The following TMEM114 variants were observed in gnomAD, a reference collection of about 807,000 sequenced individuals.
TMEM114 encodes claudin-26.
TMEM114 carries 6 observed loss-of-function variants against 6.2 expected under a neutral mutation model. That is an observed-to-expected ratio of 0.97 (90% CI 0.53 to 1.91). TMEM114 has a LOEUF of 1.91. Ranked by LOEUF, TMEM114 falls within the 40% of genes most tolerant of loss-of-function variation. The pLI is 0.01. For synonymous variants in TMEM114, 104 were observed against 73.0 expected (o/e 1.42, Z -2.16); for missense variants, 218 against 158.3 (o/e 1.38, Z -2.02).
At chr16:8,556,748 C>G (rs1021372081) in intron 2 of TMEM114, among the ~76,000 whole-genome samples, 1 of 152,168 alleles carries the variant, frequency 6.6e-6, no homozygotes, top group African/African-American at 2.4e-5. Context: ...GGGGATCCAC[C>G]CGCCTCAGCC....
At chr16:8,549,436 G>C (rs1900774376) in intron 2 of TMEM114, among the ~76,000 whole-genome samples, 1 of 147,678 alleles carries the variant, frequency 6.8e-6, no homozygotes, top group Non-Finnish European at 1.5e-5. Flanking sequence ...GGGGGCAGAG[G>C]TTGCAGTGAG....
chr16:8,554,793 C>T (rs902994271), intron 2 of TMEM114, among the ~76,000 whole-genome samples: 2 of 152,184 alleles, frequency 1.3e-5, no homozygotes, highest in East Asian at 1.9e-4. Context: ...GTAACTTATG[C>T]AACGGCCACA....
chr16:8,528,883 G>T, the TMEM114 span, among the ~76,000 whole-genome samples: 5 of 152,154 alleles, frequency 3.3e-5, 1 homozygote, highest in Non-Finnish European at 2.9e-5. Context: ...TTGGTAGGGG[G>T]GATATTTTGC....
intron 2 of TMEM114, among the ~76,000 whole-genome samples, chr16:8,572,548 A>C (rs745814911): frequency 1.1e-4 from 16 of 152,120 alleles, no homozygotes; most frequent in Non-Finnish European, 2.2e-4. Context: ...GAAACCTTTC[A>C]CCTAAGCTGC....
At chr16:8,577,874 C>T (rs1037295364) in intron 2 of TMEM114, among the ~76,000 whole-genome samples, 2 of 152,072 alleles carry the variant, frequency 1.3e-5, no homozygotes, top group Non-Finnish European at 2.9e-5. Context: ...GGCATGCCAC[C>T]GGCAGTGTTT....
chr16:8,561,821 T>C (rs1398657803), intron 2 of TMEM114, among the ~76,000 whole-genome samples: 1 of 123,276 alleles, frequency 8.1e-6, no homozygotes, highest in East Asian at 2.0e-4. Flanking sequence ...AAGGAGGGAG[T>C]GAATGAGTGA....
rs1902429916 is a variant in TMEM114, at chr16:8,589,806, C to G, written c.33G>C (p.Ala11=). Residue 11 remains alanine (A), a synonymous_variant, in exon 1 of 4, where the codon GCG becomes GCC. Coordinates refer to ENST00000620492, the MANE Select transcript of TMEM114 (RefSeq NM_001146336.2). MRVHLGGLAG[A]AALTGALSFV... ...AGCTGAGCGCCCCGGTCAGCGCAGCCGCGCCGGCCAGCCCGCCCAGGTGCA... is the reference window on the plus strand; with the variant it reads ...AGCTGAGCGCCCCGGTCAGCGCAGCGGCGCCGGCCAGCCCGCCCAGGTGCA... The G allele has an allele frequency of 5.0e-6, 2 of 398,392 alleles. No individual in the cohort carries two copies. The highest frequency in any genetic ancestry group is 1.3e-4 in the South Asian group (1 of 7,860). 24.7% of individuals were successfully genotyped at this position (398,392 alleles called of 1,614,324 possible). A position where few individuals can be genotyped will look rare whatever the true frequency, so the allele number is the denominator to read the frequency against.
rs114406020 is a variant in TMEM114 at position 8,570,728 on chromosome 16, T to A, written c.440-723A>T. Among the ~76,000 whole-genome samples, 784 of 152,248 alleles carry A rather than the reference T, an allele frequency of 5.1e-3. 7 individuals are homozygous for A. Among genetic ancestry groups the A allele is most frequent in the African/African-American group, 0.018 (754 of 41,554 alleles). ...TTCAATTCCCCAGCACCGAGAACGG[T>A]GCCTGGCCCACGGTGGTTCTCCACA... On this transcript the variant is annotated intron_variant, in intron 3 of 3. Coordinates refer to ENST00000620492, the MANE Select transcript of TMEM114 (RefSeq NM_001146336.2).
downstream of TMEM114, among the ~76,000 whole-genome samples, chr16:8,568,298 A>G (rs753775611): frequency 6.6e-6 from 1 of 152,086 alleles, no homozygotes; most frequent in Non-Finnish European, 1.5e-5. Flanking sequence ...GCTGGTGTGT[A>G]CTGGCCTTCC....
intron 2 of TMEM114, among the ~76,000 whole-genome samples, chr16:8,548,707 C>G (rs1411240129): frequency 6.4e-5 from 7 of 109,470 alleles, no homozygotes; most frequent in African/African-American, 1.6e-4. Context: ...TATATATACA[C>G]AGAAAAAAAA....
rs1902440211 is a variant in TMEM114, at chr16:8,590,157, G to T, written c.-319C>A. 2 of 282,968 alleles carry T rather than the reference G, an allele frequency of 7.1e-6. No homozygotes were observed. The highest frequency in any genetic ancestry group is 2.2e-5 in the African/African-American group (1 of 45,582). The allele number at this position is 282,968 out of a possible 1,614,324, so 17.5% of individuals were successfully genotyped here. On this transcript the variant is annotated 5_prime_UTR_variant, in exon 1 of 4. Transcript: ENST00000620492. ...CCACCTCCGCCTTCAGACCCTCCTG[G>T]AAGCTCTAGTCCTTCCCCACCAGCA...
downstream of TMEM114, among the ~76,000 whole-genome samples, chr16:8,564,795 G>C (rs1298003791): frequency 6.7e-6 from 1 of 149,310 alleles, no homozygotes; most frequent in African/African-American, 2.5e-5. Context: ...GTGAATTAGT[G>C]AGTAAATGAG....
At chr16:8,539,875 T>G (rs1217508465) in intron 2 of TMEM114, among the ~76,000 whole-genome samples, 1 of 152,176 alleles carries the variant, frequency 6.6e-6, no homozygotes, top group Non-Finnish European at 1.5e-5. Context: ...TGGAATGCAG[T>G]GAAACAATCT....
intron 2 of TMEM114, among the ~76,000 whole-genome samples, chr16:8,563,973 G>A (rs1008569532): frequency 2.7e-5 from 4 of 146,002 alleles, no homozygotes; most frequent in Non-Finnish European, 6.0e-5. Context: ...GAGTGAATGA[G>A]TGAGTGAGGG....
intron 2 of TMEM114, among the ~76,000 whole-genome samples, chr16:8,561,789 G>C (rs563452142): frequency 1.3e-5 from 2 of 152,118 alleles, no homozygotes; most frequent in African/African-American, 4.8e-5. Context: ...GAGTGAATCA[G>C]TGAATAGTGA....
chr16:8,556,177 TC>T (rs1418358014), intron 2 of TMEM114, among the ~76,000 whole-genome samples: 1 of 152,174 alleles, frequency 6.6e-6, no homozygotes, highest in Non-Finnish European at 1.5e-5. Flanking sequence ...AATTCTTCTC[TC>T]CTTCCCGCCA....
At chr16:8,574,322 G>C (rs1409397511) in intron 2 of TMEM114, among the ~76,000 whole-genome samples, 2 of 152,206 alleles carry the variant, frequency 1.3e-5, no homozygotes, top group African/African-American at 4.8e-5. Context: ...AAGATGTGCA[G>C]TGTTGCGTCC....
intron 2 of TMEM114, among the ~76,000 whole-genome samples, chr16:8,542,913 T>C (rs1238192250): frequency 1.3e-5 from 2 of 152,246 alleles, no homozygotes; most frequent in South Asian, 2.1e-4. Flanking sequence ...AATCACAGAA[T>C]AATACAAACT....
intron 2 of TMEM114, among the ~76,000 whole-genome samples, chr16:8,557,168 T>C (rs1280671950): frequency 6.6e-6 from 1 of 152,162 alleles, no homozygotes; most frequent in Non-Finnish European, 1.5e-5. Flanking sequence ...GAGGTTGAGG[T>C]CTATGTTCCC....
Sources: gnomAD v4.1 joint callset for allele counts (sites outside exome capture counted in the v4.1 genomes callset) on GRCh38, gnomAD v4.1.1 for gene constraint, MANE v1.5 for transcripts, NCBI Gene and HGNC (gene_info 2026-07-23, HGNC 2026-07-21) for gene names.